PLXNA4: variants seen among roughly 807,000 people sequenced by gnomAD.
The protein encoded by PLXNA4 is plexin-A4.
A neutral mutation model predicts 191.8 loss-of-function variants in PLXNA4; 44 were observed. That is an observed-to-expected ratio of 0.23 (90% CI 0.18 to 0.29). The LOEUF is 0.29. Among genes scored for constraint, PLXNA4 ranks in the 10% least tolerant of loss-of-function variants. The pLI, the probability that PLXNA4 is intolerant of heterozygous loss-of-function variation, is 1.00. For synonymous variants in PLXNA4, 1,082 were observed against 1,009.5 expected (o/e 1.07, Z -1.36); for missense variants, 1,800 against 2,488.8 (o/e 0.72, Z 5.89).
At chr7:132,287,848 G>T (rs1005631720) in intron 4 of PLXNA4, among the ~76,000 whole-genome samples, 1 of 152,128 alleles carries the variant, frequency 6.6e-6, no homozygotes, top group East Asian at 1.9e-4. Flanking sequence ...CTTGTGTCAG[G>T]CTACAACAAA....
chr7:132,489,461 T>C lies in PLXNA4; in HGVS notation c.1202A>G (p.Asp401Gly). 1 of 1,569,756 alleles carries C rather than the reference T, an allele frequency of 6.4e-7. No individual in the cohort carries two copies. Among genetic ancestry groups the C allele is most frequent in the Non-Finnish European group, 8.7e-7 (1 of 1,145,402 alleles). Residue 401 changes from aspartate (D) to glycine (G), a missense_variant, in exon 3 of 32, where the codon GAC (aspartate) becomes GGC (glycine). Coordinates refer to ENST00000321063, the MANE Select transcript of PLXNA4 (RefSeq NM_020911.2). ...CATGTCCAGGCCACAGAAGTTATCG[T>C]CAATGGTTAAGAGCTGCAAATTTTA... ...IPCSSALLTI[D>G]DNFCGLDMNA... is the part of the protein sequence containing the mutation.
Position 132,345,096 on chromosome 7 carries a change from G to A in PLXNA4, c.1372-46874C>T, listed in dbSNP as rs186650893. ...GATCATAGATCTTTAGTTCTTTGGG[G>A]GATGGATGTAGGTGTGAAAGTAGGA... is the stretch of plus-strand genomic sequence containing the variant. On this transcript the variant is annotated intron_variant, in intron 3 of 31. Coordinates refer to ENST00000321063, the MANE Select transcript of PLXNA4 (RefSeq NM_020911.2). 3.1e-3 allele frequency among the ~76,000 whole-genome samples: 470 copies of A among 152,284 alleles called. 1 individual carries two copies. Among genetic ancestry groups the A allele is most frequent in the Admixed American group, 4.9e-3 (75 of 15,292 alleles).
At chr7:132,528,322 C>T (rs1378772534) in intron 1 of PLXNA4, among the ~76,000 whole-genome samples, 3 of 152,176 alleles carry the variant, frequency 2.0e-5, no homozygotes, top group Non-Finnish European at 4.4e-5. Flanking sequence ...CTCCTAGTCC[C>T]GATCCATGCT....
chr7:132,136,978 C>A (rs1795131543), intron 30 of PLXNA4, among the ~76,000 whole-genome samples: 1 of 152,128 alleles, frequency 6.6e-6, no homozygotes, highest in South Asian at 2.1e-4. Context: ...GCCTGCTGAG[C>A]ATCTGTGTGG....
At chr7:132,260,614 G>A (rs138381627) in intron 4 of PLXNA4, among the ~76,000 whole-genome samples, 6 of 151,692 alleles carry the variant, frequency 4.0e-5, no homozygotes, top group Non-Finnish European at 7.4e-5. Context: ...AAACTTCAGC[G>A]ACACGCGATT....
chr7:132,289,602 G>A (rs1054887025), intron 4 of PLXNA4, among the ~76,000 whole-genome samples: 5 of 151,460 alleles, frequency 3.3e-5, no homozygotes, highest in Admixed American at 2.6e-4. Flanking sequence ...GCATGACCAC[G>A]GCTCATTGCA....
intron 1 of PLXNA4, among the ~76,000 whole-genome samples, chr7:132,548,408 T>C (rs551311440): frequency 2.0e-5 from 3 of 152,268 alleles, no homozygotes; most frequent in Non-Finnish European, 4.4e-5. Flanking sequence ...TTGTATGTAT[T>C]TGGGGGTTTT....
intron 2 of PLXNA4, among the ~76,000 whole-genome samples, chr7:132,615,278 A>T (rs999231964): frequency 6.6e-6 from 1 of 152,114 alleles, no homozygotes; most frequent in Non-Finnish European, 1.5e-5. Context: ...TGTCCTTCAC[A>T]GAGAGGGGAG....
chr7:132,373,609 A>G (rs556287074), intron 3 of PLXNA4, among the ~76,000 whole-genome samples: 4 of 152,200 alleles, frequency 2.6e-5, no homozygotes, highest in Admixed American at 6.5e-5. Flanking sequence ...TGAAGTTACT[A>G]TGTTCAAACT....
At position 132,227,574 on chromosome 7, in the gene PLXNA4, G is replaced by A. The variant is rs779828082; in HGVS notation, c.1759C>T (p.Leu587=). ...AAGGTGCAGTTGACGCCAGCTGACAGCTCCGGGACATTGTACGTCTCCAGG... is the reference window on the plus strand; with the variant it reads ...AAGGTGCAGTTGACGCCAGCTGACAACTCCGGGACATTGTACGTCTCCAGG... ...LVLETYNVPE[L]SAGVNCTFED... is the part of the protein sequence containing the mutation. The change falls in exon 7 of 32, where the codon CTG becomes TTG. Residue 587 remains leucine (L), a synonymous_variant. Coordinates refer to ENST00000321063, the MANE Select transcript of PLXNA4 (RefSeq NM_020911.2). The A allele has an allele frequency of 6.2e-7, 1 of 1,614,216 alleles. No homozygotes were observed. Among genetic ancestry groups the A allele is most frequent in the Non-Finnish European group, 8.5e-7 (1 of 1,180,048 alleles).
chr7:132,639,352 G>A (rs536496829), intron 2 of PLXNA4, among the ~76,000 whole-genome samples: 3 of 152,172 alleles, frequency 2.0e-5, no homozygotes, highest in East Asian at 3.9e-4. Context: ...ATGCTCTTGC[G>A]TCCTCTGTTT....
At chr7:132,178,333 A>G (rs1190585404) in intron 20 of PLXNA4, among the ~76,000 whole-genome samples, 2 of 151,924 alleles carry the variant, frequency 1.3e-5, no homozygotes, top group Non-Finnish European at 2.9e-5. Context: ...GAAGGTGACA[A>G]TCCTGGGTGG....
intron 13 of PLXNA4, among the ~76,000 whole-genome samples, chr7:132,194,801 A>C (rs1172912066): frequency 2.6e-5 from 4 of 152,182 alleles, no homozygotes; most frequent in Non-Finnish European, 4.4e-5. Context: ...GAAAATAATC[A>C]AACAGTCAAA....
In PLXNA4 at chr7:132,123,605, T is replaced by C. The variant is rs955567056; in HGVS notation, c.*6874A>G. On this transcript the variant is annotated 3_prime_UTR_variant, in exon 32 of 32. Transcript: ENST00000321063. ...AATCAAAACCAGAAGACCCTCTTCT[T>C]AGAGATCTCATCCACATACATTTGA... 16 of 152,158 alleles carry C rather than the reference T, an allele frequency of 1.1e-4. No individual in the cohort carries two copies. Among genetic ancestry groups the C allele is most frequent in the African/African-American group, 3.9e-4 (16 of 41,430 alleles). The allele number at this position is 152,158 out of a possible 1,614,324, so 9.4% of individuals were successfully genotyped here. A position where few individuals can be genotyped will look rare whatever the true frequency, so the allele number is the denominator to read the frequency against.
chr7:132,586,676 C>G (rs897029475), intron 2 of PLXNA4, among the ~76,000 whole-genome samples: 2 of 152,314 alleles, frequency 1.3e-5, no homozygotes, highest in Non-Finnish European at 2.9e-5. Flanking sequence ...TCACTTGAAC[C>G]TGGGAGGCGG....
intron 3 of PLXNA4, among the ~76,000 whole-genome samples, chr7:132,430,269 A>G (rs1004088201): frequency 6.6e-6 from 1 of 152,174 alleles, no homozygotes; most frequent in African/African-American, 2.4e-5. Context: ...TCAAGTCTCT[A>G]TGCGGTTAGT....
At chr7:132,568,216 G>C (rs549780030) in intron 1 of PLXNA4, among the ~76,000 whole-genome samples, 1 of 152,274 alleles carries the variant, frequency 6.6e-6, no homozygotes, top group African/African-American at 2.4e-5. Context: ...GGGTGGCAGA[G>C]GTCATTACGA....
intron 9 of PLXNA4, among the ~76,000 whole-genome samples, chr7:132,211,679 C>T (rs1397770797): frequency 6.6e-6 from 1 of 152,204 alleles, no homozygotes; most frequent in Admixed American, 6.5e-5. Flanking sequence ...TGAGAATGTT[C>T]TGGAATGGGC....
upstream of PLXNA4, among the ~76,000 whole-genome samples, chr7:132,581,209 G>A (rs532721132): frequency 7.2e-5 from 11 of 152,292 alleles, no homozygotes; most frequent in Admixed American, 6.5e-4. Context: ...CTGGACCATG[G>A]AACAGTAAAA....
Sources: gnomAD v4.1 joint callset for allele counts (sites outside exome capture counted in the v4.1 genomes callset) on GRCh38, gnomAD v4.1.1 for gene constraint, MANE v1.5 for transcripts, NCBI Gene and HGNC (gene_info 2026-07-23, HGNC 2026-07-21) for gene names.